The following TENT5D variants were observed in gnomAD, a reference collection of about 807,000 sequenced individuals.
The protein encoded by TENT5D is cancer/testis antigen 112.
For synonymous variants in TENT5D, 103 were observed against 100.6 expected, an observed-to-expected ratio of 1.02 and a Z score of -0.15; for missense variants, 191 against 287.0, an observed-to-expected ratio of 0.67 and a Z score of 2.42.
At chrX:80,352,720 C>CAAAAA (rs1189877322) in intron 3 of TENT5D, among the ~76,000 whole-genome samples, 19 of 19,914 alleles carry the variant, frequency 9.5e-4, no homozygotes, top group East Asian at 2.7e-3. Flanking sequence ...AGCAAACAAA[C>CAAAAA]AAAAAAAAAA....
At chrX:80,409,405 A>C (rs1294182580) in intron 3 of TENT5D, among the ~76,000 whole-genome samples, 3 of 111,481 alleles carry the variant, frequency 2.7e-5, no homozygotes, top group African/African-American at 9.8e-5. Flanking sequence ...GCAAAGTCTC[A>C]GGATACAAAA....
intron 3 of TENT5D, among the ~76,000 whole-genome samples, chrX:80,386,825 G>GA (rs976807749): frequency 9.0e-6 from 1 of 111,122 alleles, no homozygotes; most frequent in Non-Finnish European, 1.9e-5. Flanking sequence ...ACTGCATATT[G>GA]AAAAAAACTA....
At chrX:80,358,619 A>G (rs747237056) in intron 3 of TENT5D, among the ~76,000 whole-genome samples, 146 of 112,127 alleles carry the variant, frequency 1.3e-3, no homozygotes, top group African/African-American at 4.6e-3. Context: ...AGTTTCTTAT[A>G]TAATATCATC....
At chrX:80,344,460 C>G (rs1930022157) in intron 3 of TENT5D, among the ~76,000 whole-genome samples, 1 of 109,773 alleles carries the variant, frequency 9.1e-6, no homozygotes, top group African/African-American at 3.3e-5. Flanking sequence ...TCACCAACAT[C>G]TGTTATTTTT....
At chrX:80,443,122 A>T in exon 3 of TENT5D, 1 of 1,211,198 alleles carries the variant, frequency 8.3e-7, no homozygotes, top group Non-Finnish European at 1.1e-6. Context: ...TGCCAAGCTA[A>T]CCAAAGAATC....
chrX:80,349,292 C>CT (rs772398772), intron 3 of TENT5D, among the ~76,000 whole-genome samples: 3 of 111,341 alleles, frequency 2.7e-5, no homozygotes, highest in African/African-American at 9.8e-5. Context: ...TGGTCCTGGG[C>CT]TTTTTTTGGT....
At chrX:80,355,918 G>A (rs1367071736) in intron 3 of TENT5D, among the ~76,000 whole-genome samples, 2 of 111,490 alleles carry the variant, frequency 1.8e-5, no homozygotes, top group Admixed American at 1.9e-4. Flanking sequence ...CTTCTAGGGT[G>A]TCCCGGTATC....
At chrX:80,397,659 A>AG (rs1406144813) in intron 3 of TENT5D, among the ~76,000 whole-genome samples, 1 of 79 alleles carries the variant, frequency 0.013, no homozygotes, top group Admixed American at 0.077. Context: ...TGAGTGAACC[A>AG]GCTCCGTCTG....
chrX:80,410,284 AC>A (rs2147552839), intron 3 of TENT5D, among the ~76,000 whole-genome samples: 1 of 102,354 alleles, frequency 9.8e-6, no homozygotes, highest in South Asian at 4.8e-4. Flanking sequence ...AGCAAAAGAA[AC>A]TACCATCAGA....
intron 3 of TENT5D, among the ~76,000 whole-genome samples, chrX:80,408,383 C>G (rs1602212220): frequency 9.0e-6 from 1 of 111,005 alleles, no homozygotes; most frequent in Admixed American, 9.5e-5. Context: ...AAAGAAGAAT[C>G]AAATAGACAC....
chrX:80,342,487 C>T (rs967971480), intron 2 of TENT5D: 2 of 112,086 alleles, frequency 1.8e-5, no homozygotes, highest in African/African-American at 6.5e-5. Context: ...CTTTCTATTT[C>T]TTTTTTATTC....
At chrX:80,344,117 A>G (rs1930016508) in intron 3 of TENT5D, among the ~76,000 whole-genome samples, 1 of 110,309 alleles carries the variant, frequency 9.1e-6, no homozygotes, top group Admixed American at 9.8e-5. Flanking sequence ...TGTTGCTGCA[A>G]ATGACATGAT....
chrX:80,421,762 T>C (rs1032794083), intron 1 of TENT5D, among the ~76,000 whole-genome samples: 4 of 110,331 alleles, frequency 3.6e-5, no homozygotes, highest in African/African-American at 1.3e-4. Flanking sequence ...AAACTAAGAG[T>C]AGAAGGTGTT....
At position 80,341,150 on chromosome X, in the gene TENT5D, C is replaced by CA. The variant is rs1929950044; in HGVS notation, c.-206-1349dup. On this transcript the variant is annotated intron_variant, in intron 2 of 4. Coordinates refer to the TENT5D transcript ENST00000538312. The stretch of plus-strand genomic sequence containing the variant: ...GGAATCATTCATTTGTGACTATGCA[C>CA]ATTTGCAAAAATTCTCTGAAGTATT... Among the ~76,000 whole-genome samples the CA allele has an allele frequency of 3.6e-5, 4 of 112,240 alleles. No homozygotes were observed. In the South Asian group the frequency reaches 1.5e-3, roughly 41 times the overall value.
chrX:80,439,640 G>A (rs886097792), intron 2 of TENT5D, among the ~76,000 whole-genome samples: 1 of 110,694 alleles, frequency 9.0e-6, no homozygotes, highest in African/African-American at 3.3e-5. Context: ...TAACATTATT[G>A]TCAAATCTTG....
At position 80,406,951 on chromosome X, in the gene TENT5D, T is replaced by A. The variant is rs1349651639; in HGVS notation, c.-141-31659T>A. Among the ~76,000 whole-genome samples the A allele has an allele frequency of 3.4e-3, 357 of 105,215 alleles. 4 individuals carry two copies. The highest frequency in any genetic ancestry group is 0.012 in the African/African-American group (345 of 28,743). The allele number at this position is 105,215 out of a possible 115,157, so 91.4% of individuals were successfully genotyped here. A position where few individuals can be genotyped will look rare whatever the true frequency, so the allele number is the denominator to read the frequency against. On this transcript the variant is annotated intron_variant, in intron 3 of 4. Transcript: ENST00000538312. The stretch of plus-strand genomic sequence containing the variant: ...AGAGAGTGGCGGCCAATATTCAACA[T>A]TCTTAAAGAAAAGAATTTTCAACCC...
At chrX:80,345,146 T>A (rs1930034417) in intron 3 of TENT5D, among the ~76,000 whole-genome samples, 1 of 111,932 alleles carries the variant, frequency 8.9e-6, no homozygotes, top group Admixed American at 9.5e-5. Flanking sequence ...GTTGGAACGT[T>A]TTTTATTCTT....
intron 1 of TENT5D, among the ~76,000 whole-genome samples, chrX:80,426,477 G>A (rs534977773): frequency 1.8e-5 from 2 of 111,622 alleles, no homozygotes; most frequent in South Asian, 7.4e-4. Flanking sequence ...TGATCATGAA[G>A]TGAGATTTTT....
At chrX:80,364,905 C>T (rs200761240) in intron 3 of TENT5D, among the ~76,000 whole-genome samples, 9 of 105,485 alleles carry the variant, frequency 8.5e-5, no homozygotes, top group Admixed American at 2.1e-4. Context: ...GATTTTTTTT[C>T]TTTTTTTTAA....
Sources: gnomAD v4.1 joint callset for allele counts (sites outside exome capture counted in the v4.1 genomes callset) on GRCh38, gnomAD v4.1.1 for gene constraint, MANE v1.5 for transcripts, NCBI Gene and HGNC (gene_info 2026-07-23, HGNC 2026-07-21) for gene names.